GPHN: variants seen among roughly 807,000 people sequenced by gnomAD.
GPHN encodes gephyrin.
GPHN carries 17 observed loss-of-function variants against 95.5 expected under a neutral mutation model. The ratio of observed to expected loss-of-function variants is 0.18; its 90% CI spans 0.12 to 0.27. The LOEUF (loss-of-function observed/expected upper bound fraction) is 0.27. Ranked by LOEUF, GPHN falls within the 10% of genes least tolerant of loss-of-function variation. The pLI, the probability that GPHN is intolerant of heterozygous loss-of-function variation, is 1.00. For synonymous variants in GPHN, 320 were observed against 322.5 expected, an observed-to-expected ratio of 0.99 and a Z score of 0.08; for missense variants, 660 against 978.1, an observed-to-expected ratio of 0.67 and a Z score of 4.34.
chr14:67,676,118 TTTTCACCGA>T, the GPHN span, among the ~76,000 whole-genome samples: 1 of 152,098 alleles, frequency 6.6e-6, no homozygotes, highest in Admixed American at 6.5e-5. Flanking sequence ...TAAATTATTA[TTTTCACCGA>T]TTTCACGGTT....
chr14:66,586,459 G>A (rs2061424612), intron 1 of GPHN, among the ~76,000 whole-genome samples: 1 of 152,180 alleles, frequency 6.6e-6, no homozygotes, highest in Admixed American at 6.5e-5. Flanking sequence ...TTGCTCGTTA[G>A]TTGATGCAGT....
chr14:67,381,490 A>G, the GPHN span: 4 of 831,204 alleles, frequency 4.8e-6, no homozygotes, highest in Admixed American at 4.0e-5. Flanking sequence ...TGGATTCAGT[A>G]TAAGTATTTG....
the GPHN span, chr14:67,583,657 T>C: frequency 4.1e-6 from 4 of 986,894 alleles, no homozygotes; most frequent in South Asian, 7.1e-5. Context: ...AATAAAGAAA[T>C]GGTTTATTTC....
the GPHN span, among the ~76,000 whole-genome samples, chr14:67,212,284 T>A: frequency 7.2e-5 from 11 of 152,130 alleles, no homozygotes; most frequent in East Asian, 2.1e-3. Flanking sequence ...AAAAAATGTA[T>A]CTTCTTTAAA....
intron 4 of GPHN, among the ~76,000 whole-genome samples, chr14:66,870,277 C>T (rs1221846926): frequency 1.3e-5 from 2 of 152,188 alleles, no homozygotes; most frequent in East Asian, 1.9e-4. Context: ...TCACCACCAT[C>T]AGCATCAATG....
At chr14:67,062,033 T>TGAAATA (rs959946141) in intron 11 of GPHN, among the ~76,000 whole-genome samples, 9 of 152,208 alleles carry the variant, frequency 5.9e-5, no homozygotes, top group Middle Eastern at 3.2e-3. Flanking sequence ...GACAACTGAC[T>TGAAATA]GAAATATTTG....
At chr14:67,099,827 T>G (rs191713347) in intron 12 of GPHN, among the ~76,000 whole-genome samples, 1 of 152,114 alleles carries the variant, frequency 6.6e-6, no homozygotes, top group Non-Finnish European at 1.5e-5. Context: ...TGATTATAAA[T>G]GTAATCTAAA....
chr14:67,635,589 C>T, the GPHN span, among the ~76,000 whole-genome samples: 5 of 152,226 alleles, frequency 3.3e-5, no homozygotes, highest in African/African-American at 2.4e-5. Flanking sequence ...CACGGCGGCT[C>T]ACACCTGTAT....
chr14:66,929,991 G>A (rs537624815), intron 8 of GPHN, among the ~76,000 whole-genome samples: 3 of 152,246 alleles, frequency 2.0e-5, no homozygotes, highest in South Asian at 2.1e-4. Flanking sequence ...GATTACAGGC[G>A]TGAGCCACCG....
At chr14:67,155,054 C>T (rs569946871) in intron 18 of GPHN, among the ~76,000 whole-genome samples, 1 of 151,906 alleles carries the variant, frequency 6.6e-6, no homozygotes, top group Admixed American at 6.6e-5. Context: ...GCAAAGAAGC[C>T]AAGCATAAAA....
At chr14:67,072,384 A>G (rs2076345048) in intron 11 of GPHN, among the ~76,000 whole-genome samples, 1 of 152,136 alleles carries the variant, frequency 6.6e-6, no homozygotes, top group Non-Finnish European at 1.5e-5. Context: ...TGCCAGTACC[A>G]GCAGGGTTAT....
chr14:67,108,131 T>C (rs955589975), intron 13 of GPHN, among the ~76,000 whole-genome samples: 11 of 152,130 alleles, frequency 7.2e-5, no homozygotes, highest in Admixed American at 6.5e-5. Context: ...AACAGTGAGA[T>C]TTCCTTACCA....
At chr14:67,576,068 CTCTT>C in the GPHN span, 12 of 1,315,768 alleles carry the variant, frequency 9.1e-6, no homozygotes, top group Non-Finnish European at 1.3e-5. This position sits in a 1 kb window ranked among gnomAD's most constrained non-coding sequence, Gnocchi z 4.0. Context: ...CTTCCCTTCT[CTCTT>C]TCTCCTGAGC....
chr14:66,532,576 A>G (rs986175059), intron 1 of GPHN, among the ~76,000 whole-genome samples: 2 of 152,204 alleles, frequency 1.3e-5, no homozygotes, highest in Admixed American at 1.3e-4. Context: ...AGGATATTCA[A>G]ACTATCCTCA....
intron 1 of GPHN, among the ~76,000 whole-genome samples, chr14:66,598,416 GA>G (rs952326931): frequency 3.3e-5 from 5 of 152,056 alleles, no homozygotes; most frequent in Non-Finnish European, 5.9e-5. Flanking sequence ...GAGACTCTGA[GA>G]AAGGCATTAG....
chr14:66,809,803 G>T (rs187750435), intron 3 of GPHN, among the ~76,000 whole-genome samples: 9 of 152,196 alleles, frequency 5.9e-5, no homozygotes, highest in Admixed American at 2.0e-4. Flanking sequence ...CAGAGGATTC[G>T]TGGAAGAAAT....
At chr14:67,059,845 T>C (rs2144061) in intron 11 of GPHN, among the ~76,000 whole-genome samples, 48,926 of 151,700 alleles carry the variant, frequency 0.32, 12,426 homozygotes, top group African/African-American at 0.69. Flanking sequence ...TAGGCTTAAA[T>C]CGTTTGTTTT....
At chr14:67,155,163 T>C (rs2081509019) in intron 18 of GPHN, among the ~76,000 whole-genome samples, 1 of 152,196 alleles carries the variant, frequency 6.6e-6, no homozygotes, top group Non-Finnish European at 1.5e-5. Context: ...TATCTCAGGC[T>C]TTCAGCTTGA....
At chr14:67,610,003 G>A in the GPHN span, among the ~76,000 whole-genome samples, 743 of 152,258 alleles carry the variant, frequency 4.9e-3, 36 homozygotes, top group East Asian at 0.082. Context: ...AATGAGAGGA[G>A]GAGAAGGGCC....
Sources: allele counts gnomAD v4.1 joint callset (sites outside exome capture counted in the v4.1 genomes callset), GRCh38; gene constraint gnomAD v4.1.1; non-coding constraint Gnocchi (gnomAD v3.1); transcripts MANE v1.5; gene names NCBI Gene and HGNC (gene_info 2026-07-23, HGNC 2026-07-21).